Variants in PPM1B observed in about 807,000 individuals in gnomAD.
PPM1B encodes the protein protein phosphatase 1B.
In PPM1B, 22 loss-of-function variants were observed where a neutral mutation model predicts 43.0. The observed-to-expected ratio is 0.51, with a 90% confidence interval of 0.37 to 0.73. The LOEUF (loss-of-function observed/expected upper bound fraction) is 0.73. PPM1B is among the 30% of genes least tolerant of loss of function. The pLI is 0.00. For synonymous variants in PPM1B, 217 were observed against 197.9 expected, an observed-to-expected ratio of 1.10 and a Z score of -0.81; for missense variants, 632 against 584.2, an observed-to-expected ratio of 1.08 and a Z score of -0.84.
chr2:44,192,412 C>T (rs1291411136), intron 1 of PPM1B, among the ~76,000 whole-genome samples: 4 of 152,026 alleles, frequency 2.6e-5, no homozygotes, highest in East Asian at 1.9e-4. Context: ...GATGGGGTTT[C>T]GCCATGTTGG....
rs35088748 is a variant in PPM1B at position 44,201,669 on chromosome 2, A to G, written c.470A>G (p.Tyr157Cys). 306 of 1,614,070 alleles carry G rather than the reference A, an allele frequency of 1.9e-4. No homozygotes were observed. The highest frequency in any genetic ancestry group is 4.1e-5 in the Non-Finnish European group (48 of 1,180,042). Residue 157 changes from tyrosine (Y) to cysteine (C), a missense_variant, in exon 2 of 6, where the codon TAT becomes TGT. Tyr to Cys is a radical substitution (Grantham distance 194, BLOSUM62 -2). This residue lies in a region of PPM1B where 200 missense variants were observed against 200.7 expected (regional missense o/e 1.00). Coordinates refer to ENST00000282412, the MANE Select transcript of PPM1B (RefSeq NM_002706.6). The surrounding 1 kb of genome is among the most constrained non-coding windows in gnomAD (Gnocchi z 5.4). The stretch of plus-strand genomic sequence containing the variant: ...TGTGGTGATTCACGTGCTGTTCTGT[A>G]TAGGAATGGACAAGTCTGCTTTTCT... Reference protein sequence around the residue: ...INCGDSRAVLYRNGQVCFSTQ... With the variant: ...INCGDSRAVLCRNGQVCFSTQ...
intron 1 of PPM1B, among the ~76,000 whole-genome samples, chr2:44,187,605 A>G (rs1378598819): frequency 6.6e-6 from 1 of 152,216 alleles, no homozygotes; most frequent in Admixed American, 6.5e-5. Flanking sequence ...GCCAAGCAGT[A>G]GGCTTTGAGT....
intron 5 of PPM1B, among the ~76,000 whole-genome samples, chr2:44,228,884 G>A (rs1344576810): frequency 6.6e-6 from 1 of 151,990 alleles, no homozygotes; most frequent in Non-Finnish European, 1.5e-5. Context: ...CAGCTCTTAA[G>A]AATGAAGATA....
chr2:44,208,117 T>C (rs375293344), intron 2 of PPM1B, among the ~76,000 whole-genome samples: 1 of 151,280 alleles, frequency 6.6e-6, no homozygotes, highest in South Asian at 2.1e-4. Context: ...CTTGAACCCC[T>C]CACCTTGTGA....
Position 44,201,336 on chromosome 2 carries a change from T to C in PPM1B, c.137T>C (p.Ile46Thr), listed in dbSNP as rs765460868. 2.5e-6 allele frequency: 4 copies of C among 1,614,166 alleles called. 1 individual carries two copies. The highest frequency in any genetic ancestry group is 3.4e-6 in the Non-Finnish European group (4 of 1,180,016). ...GATGCACACACAGCTGTTGTAGGTA[T>C]TCCTCACGGCTTGGAAGACTGGTCA... ...MEDAHTAVVGIPHGLEDWSFF... is the reference protein window; with the variant it reads ...MEDAHTAVVGTPHGLEDWSFF... Residue 46 changes from isoleucine to threonine, a missense_variant, in exon 2 of 6, where the codon ATT becomes ACT. Ile to Thr is a moderately conservative substitution (Grantham distance 89). Around this residue, in one of 3 missense-constraint regions of PPM1B, gnomAD observed 200 missense variants for 200.7 expected, o/e 1.00. Coordinates refer to ENST00000282412, the MANE Select transcript of PPM1B (RefSeq NM_002706.6). The surrounding 1 kb of genome is among the most constrained non-coding windows in gnomAD (Gnocchi z 5.4).
chr2:44,179,898 A>C (rs184237373), intron 1 of PPM1B, among the ~76,000 whole-genome samples: 1 of 151,410 alleles, frequency 6.6e-6, no homozygotes. Flanking sequence ...AATCCCAGCT[A>C]CTCAGGAGGC....
At chr2:44,169,378 G>T (rs898237132) in intron 1 of PPM1B, 104 bp downstream of exon 1, 1 of 152,322 alleles carries the variant, frequency 6.6e-6, no homozygotes, top group African/African-American at 2.4e-5. Context: ...AGCCGCGGCC[G>T]GGGCCTCTGT....
chr2:44,211,592 A>G (rs201565718), intron 3 of PPM1B, among the ~76,000 whole-genome samples: 2 of 29,680 alleles, frequency 6.7e-5, no homozygotes, highest in East Asian at 9.7e-4. Flanking sequence ...TTTAATAAAT[A>G]TGTTATACTT....
intron 3 of PPM1B, among the ~76,000 whole-genome samples, chr2:44,215,725 G>A (rs1669689480): frequency 6.6e-6 from 1 of 152,114 alleles, no homozygotes; most frequent in South Asian, 2.1e-4. Flanking sequence ...TTTACTCAGT[G>A]TTTATTGAAC....
At chr2:44,196,328 T>C (rs1558404009) in intron 1 of PPM1B, among the ~76,000 whole-genome samples, 1 of 152,170 alleles carries the variant, frequency 6.6e-6, no homozygotes, top group Admixed American at 6.5e-5. Context: ...TATCCTTCTA[T>C]TGGAGTTTCT....
chr2:44,171,423 A>G (rs955212934), intron 1 of PPM1B, among the ~76,000 whole-genome samples: 3 of 152,226 alleles, frequency 2.0e-5, no homozygotes, highest in Non-Finnish European at 4.4e-5. Context: ...TCTATAACAA[A>G]CATTTTTTAT....
intron 1 of PPM1B, among the ~76,000 whole-genome samples, chr2:44,178,050 T>C (rs2104007744): frequency 6.6e-6 from 1 of 151,652 alleles, no homozygotes; most frequent in Non-Finnish European, 1.5e-5. Context: ...CCCAAATACC[T>C]GGAACTACAG....
downstream of PPM1B, among the ~76,000 whole-genome samples, chr2:44,239,582 TGTA>T (rs1383143065): frequency 1.9e-4 from 29 of 152,296 alleles, no homozygotes; most frequent in African/African-American, 5.5e-4. Context: ...AGGTGGATAA[TGTA>T]GTAACAAGGC....
chr2:44,229,906 C>A, intron 5 of PPM1B: 3 of 1,218,850 alleles, frequency 2.5e-6, no homozygotes, highest in Admixed American at 3.0e-5. Flanking sequence ...AAAGTAAATA[C>A]AATTTTTATC....
chr2:44,180,004 C>T (rs1243923505), intron 1 of PPM1B, among the ~76,000 whole-genome samples: 6 of 121,300 alleles, frequency 4.9e-5, no homozygotes, highest in Non-Finnish European at 8.2e-5. Context: ...AGCGAAACTT[C>T]GTTCCAAAAA....
At position 44,201,991 on chromosome 2, in the gene PPM1B, A is replaced by T. The variant is rs1668961360; in HGVS notation, c.792A>T (p.Val264=). 6.2e-7 allele frequency: 1 copy of T among 1,612,126 alleles called. No individual in the cohort carries two copies. Among genetic ancestry groups the T allele is most frequent in the Non-Finnish European group, 8.5e-7 (1 of 1,179,124 alleles). Residue 264 remains valine (V), a synonymous_variant, in exon 2 of 6, where the codon GTA becomes GTT. Coordinates refer to ENST00000282412, the MANE Select transcript of PPM1B (RefSeq NM_002706.6). This position sits in a 1 kb window ranked among gnomAD's most constrained non-coding sequence, Gnocchi z 5.4. ...LCEYVKSRLE[V]SDDLENVCNW... Reference sequence around the variant, plus strand: ...AATATGTTAAATCTAGGCTTGAGGTATCTGATGACCTGGAAAATGTGTGCA... The same window carrying T: ...AATATGTTAAATCTAGGCTTGAGGTTTCTGATGACCTGGAAAATGTGTGCA...
chr2:44,222,423 C>T (rs956740835), intron 5 of PPM1B, among the ~76,000 whole-genome samples: 20 of 152,126 alleles, frequency 1.3e-4, no homozygotes, highest in African/African-American at 4.8e-4. Context: ...AAAAGTTCTT[C>T]CCTTGAAAAA....
intron 1 of PPM1B, among the ~76,000 whole-genome samples, chr2:44,183,996 C>A (rs1358687082): frequency 6.6e-6 from 1 of 152,198 alleles, no homozygotes; most frequent in African/African-American, 2.4e-5. Context: ...CCTCGGCCTC[C>A]CAAAGTGCTG....
At chr2:44,230,109 G>C in intron 5 of PPM1B, 2 of 1,482,844 alleles carry the variant, frequency 1.3e-6, no homozygotes, top group Non-Finnish European at 1.8e-6. Flanking sequence ...AAGTAAGTCA[G>C]TTTTAGGAAA....
Sources: allele counts gnomAD v4.1 joint callset (sites outside exome capture counted in the v4.1 genomes callset), GRCh38; gene constraint gnomAD v4.1.1; regional missense constraint gnomAD v4.1.1; non-coding constraint Gnocchi (gnomAD v3.1); transcripts MANE v1.5; gene names NCBI Gene and HGNC (gene_info 2026-07-23, HGNC 2026-07-21).